Variants in TRIM74 observed in about 807,000 individuals in gnomAD.
The protein encoded by TRIM74 is tripartite motif-containing protein 74.
TRIM74 carries 3 observed loss-of-function variants against 14.5 expected under a neutral mutation model. The observed-to-expected ratio is 0.21, with a 90% CI of 0.09 to 0.53. The LOEUF (loss-of-function observed/expected upper bound fraction) is 0.53, where lower values mean the gene tolerates loss of function less well. Among genes scored for constraint, TRIM74 ranks in the 20% least tolerant of loss-of-function variants. The pLI, the probability that TRIM74 is intolerant of heterozygous loss-of-function variation, is 0.95. For missense variants in TRIM74, 26 were observed against 174.0 expected, an observed-to-expected ratio of 0.15 and a Z score of 4.79; for synonymous variants, 10 against 71.3, an observed-to-expected ratio of 0.14 and a Z score of 4.33.
intron 2 of TRIM74, among the ~76,000 whole-genome samples, chr7:72,962,612 G>A (rs1798184692): frequency 1.5e-5 from 1 of 66,968 alleles, no homozygotes; most frequent in Non-Finnish European, 3.0e-5. Context: ...AACCTGGGAG[G>A]CGGAGCTTGC....
intron 2 of TRIM74, among the ~76,000 whole-genome samples, chr7:72,962,636 C>G (rs1392608312): frequency 1.2e-5 from 1 of 82,390 alleles, no homozygotes; most frequent in African/African-American, 5.3e-5. Flanking sequence ...GAGCCGAGAT[C>G]GCCCACTGCA....
chr7:72,966,865 ATG>A (rs1798291970), intron 1 of TRIM74: 1 of 120,192 alleles, frequency 8.3e-6, no homozygotes, highest in Non-Finnish European at 1.8e-5. Context: ...GCCTCCCACT[ATG>A]GCCTCAAGCC....
chr7:72,967,189 C>G (rs532723290), intron 1 of TRIM74, among the ~76,000 whole-genome samples: 1 of 152,222 alleles, frequency 6.6e-6, no homozygotes, highest in African/African-American at 2.4e-5. Flanking sequence ...CAGGAGCAGA[C>G]AGGTGCTGGG....
chr7:72,966,419 G>GTC (rs1798276244), intron 1 of TRIM74, among the ~76,000 whole-genome samples: 2 of 143,216 alleles, frequency 1.4e-5, no homozygotes, highest in South Asian at 4.2e-4. Flanking sequence ...GTGTGTGTGT[G>GTC]TCTACATTTT....
chr7:72,967,271 A>ATGG (rs1798308778), intron 1 of TRIM74, among the ~76,000 whole-genome samples: 1 of 37,098 alleles, frequency 2.7e-5, no homozygotes, highest in Admixed American at 2.9e-4. Context: ...GCTGGGGGGC[A>ATGG]GGGGAAGACA....
intron 2 of TRIM74, among the ~76,000 whole-genome samples, chr7:72,962,574 C>T (rs1355863648): frequency 3.5e-3 from 71 of 20,202 alleles, no homozygotes; most frequent in African/African-American, 0.02. Flanking sequence ...CCCAGCTACT[C>T]GGGAGGCTGA....
At chr7:72,955,070 A>G (rs1483041816), downstream of TRIM74, 1 of 606,650 alleles carries the variant, frequency 1.6e-6, no homozygotes, top group Non-Finnish European at 3.0e-6. Flanking sequence ...GTGTGTGTGT[A>G]TTATGTGTGT....
chr7:72,962,896 T>C, intron 2 of TRIM74, among the ~76,000 whole-genome samples: 1 of 103,470 alleles, frequency 9.7e-6, no homozygotes, highest in Non-Finnish European at 2.0e-5. Context: ...GATCCAGAAT[T>C]AGTGGGTATT....
chr7:72,969,534 G>C, upstream of TRIM74: 1 of 1,055,680 alleles, frequency 9.5e-7, no homozygotes, highest in Non-Finnish European at 1.4e-6. Flanking sequence ...GTGTGGTCCC[G>C]TTACGTGTCC....
At chr7:72,955,119 T>A (rs1554505471), downstream of TRIM74, among the ~76,000 whole-genome samples, 1 of 137,094 alleles carries the variant, frequency 7.3e-6, no homozygotes, top group Admixed American at 7.2e-5. Context: ...ATATTTTTTT[T>A]TTTTTCAGAC....
downstream of TRIM74, chr7:72,955,111 A>ATATATATATATATATTTTTT (rs1346659193): frequency 2.7e-5 from 3 of 112,068 alleles, no homozygotes; most frequent in Admixed American, 9.6e-5. Flanking sequence ...ATATATATAT[A>ATATATATATATATATTTTTT]TTTTTTTTTT....
downstream of TRIM74, among the ~76,000 whole-genome samples, chr7:72,957,083 G>A (rs1351132938): frequency 6.6e-6 from 1 of 150,806 alleles, no homozygotes; most frequent in Non-Finnish European, 1.5e-5. Flanking sequence ...TCACACCACT[G>A]CACTCCAGCC....
At chr7:72,962,637 G>A (rs1197144729) in intron 2 of TRIM74, among the ~76,000 whole-genome samples, 6 of 77,088 alleles carry the variant, frequency 7.8e-5, no homozygotes, top group South Asian at 4.8e-4. Flanking sequence ...AGCCGAGATC[G>A]CCCACTGCAC....
chr7:72,966,933 T>A (rs1486226113), intron 1 of TRIM74: 2 of 141,220 alleles, frequency 1.4e-5, no homozygotes, highest in African/African-American at 5.3e-5. Flanking sequence ...GAGTCAGAAG[T>A]GGGAAGTGCA....
downstream of TRIM74, chr7:72,955,058 A>G (rs533523614): frequency 7.3e-5 from 46 of 626,266 alleles, no homozygotes; most frequent in African/African-American, 4.1e-4. Flanking sequence ...TCATATATAT[A>G]TGTGTGTGTG....
chr7:72,957,202 T>G (rs1378751640), downstream of TRIM74, among the ~76,000 whole-genome samples: 4 of 148,726 alleles, frequency 2.7e-5, no homozygotes, highest in Admixed American at 2.7e-4. Flanking sequence ...AGGCAGAGAT[T>G]GGAATGATGC....
At chr7:72,955,096 T>TAC (rs1563183528), downstream of TRIM74, 1 of 154,660 alleles carries the variant, frequency 6.5e-6, no homozygotes, top group African/African-American at 3.7e-5. Context: ...TGTATATATA[T>TAC]ATATATATAT....
intron 1 of TRIM74, among the ~76,000 whole-genome samples, 157 bp from the exon 2 acceptor site, chr7:72,966,332 C>T (rs1201559347): frequency 7.5e-6 from 1 of 133,314 alleles, no homozygotes; most frequent in East Asian, 2.0e-4. Flanking sequence ...GCCTCAGTTT[C>T]CACAGCTGTA....
chr7:72,963,802 C>G (rs1203557185), intron 2 of TRIM74, among the ~76,000 whole-genome samples: 1 of 121,858 alleles, frequency 8.2e-6, no homozygotes, highest in Admixed American at 8.3e-5. Flanking sequence ...CCAGCCTGTT[C>G]CCTCCCTCCT....
Sources: gnomAD v4.1 joint callset for allele counts (sites outside exome capture counted in the v4.1 genomes callset) on GRCh38, gnomAD v4.1.1 for gene constraint, MANE v1.5 for transcripts, NCBI Gene and HGNC (gene_info 2026-07-23, HGNC 2026-07-21) for gene names.